The following BBS9 variants were observed in gnomAD, a reference collection of about 807,000 sequenced individuals.
BBS9 encodes protein PTHB1.
A neutral mutation model predicts 117.7 loss-of-function variants in BBS9; 89 were observed. That is an observed-to-expected ratio of 0.76 (90% CI 0.64 to 0.90). BBS9 has a LOEUF of 0.90. BBS9 is among the 40% of genes least tolerant of loss of function. The pLI, the probability that BBS9 is intolerant of heterozygous loss-of-function variation, is 0.00. For synonymous variants in BBS9, 379 were observed against 370.9 expected, an observed-to-expected ratio of 1.02 and a Z score of -0.25; for missense variants, 982 against 1,042.2, an observed-to-expected ratio of 0.94 and a Z score of 0.80.
chr7:33,416,445 GA>G (rs1018025327), intron 19 of BBS9, among the ~76,000 whole-genome samples: 4 of 151,928 alleles, frequency 2.6e-5, no homozygotes, highest in African/African-American at 9.7e-5. Context: ...GTAAAAATTA[GA>G]AAAATGAACG....
intron 19 of BBS9, among the ~76,000 whole-genome samples, chr7:33,410,098 T>C (rs943855945): frequency 1.3e-5 from 2 of 152,178 alleles, no homozygotes; most frequent in African/African-American, 4.8e-5. Context: ...CCTGGACAAC[T>C]GGGGCCATTT....
intron 1 of BBS9, among the ~76,000 whole-genome samples, chr7:33,134,206 C>T (rs1055498477): frequency 1.7e-4 from 25 of 149,010 alleles, no homozygotes; most frequent in Admixed American, 4.7e-4. Context: ...CCTGCCATCA[C>T]GCCTGGCTAT....
intron 5 of BBS9, among the ~76,000 whole-genome samples, chr7:33,212,654 T>C (rs1310697176): frequency 1.3e-5 from 2 of 152,190 alleles, no homozygotes; most frequent in East Asian, 3.9e-4. Context: ...GTATTTATTG[T>C]AGTCTTTGCA....
rs1450762063 is a variant in BBS9, at chr7:33,146,486, G to A, written c.112+122G>A. ...GGAGGCCGACGTGGGCAGATCACGAGGTCAGGAGTACGAGACCAGCCTGGC... is the reference window on the plus strand; with the variant it reads ...GGAGGCCGACGTGGGCAGATCACGAAGTCAGGAGTACGAGACCAGCCTGGC... On this transcript the variant is annotated intron_variant, in intron 2 of 22. Transcript: ENST00000242067. 1.2e-5 allele frequency: 9 copies of A among 757,044 alleles called. No individual in the cohort carries two copies. In the East Asian group the frequency reaches 2.5e-4, roughly 21 times the overall value. The allele number at this position is 757,044 out of a possible 1,614,324, so 46.9% of individuals were successfully genotyped here.
rs544945467 is a variant in BBS9, at chr7:33,218,997, G to A, written c.443-38239G>A. Among the ~76,000 whole-genome samples, 8 of 152,364 alleles carry A rather than the reference G, an allele frequency of 5.3e-5. No individual in the cohort carries two copies. The South Asian group carries it at 8.3e-4, about 16-fold the overall frequency. ...GAGGGAGAGGCGCGAGCGGGAACCC[G>A]GGCTGCGGGCGGCGCTTGCGGGCCA... On this transcript the variant is annotated intron_variant, in intron 5 of 22. Transcript: ENST00000242067.
chr7:33,446,668 T>C (rs749927917), intron 19 of BBS9, among the ~76,000 whole-genome samples: 4 of 152,232 alleles, frequency 2.6e-5, no homozygotes, highest in Non-Finnish European at 1.5e-5. Context: ...TTCATTGTCT[T>C]ATCTGCAGTT....
At chr7:33,247,134 GA>G (rs1220491254) in intron 5 of BBS9, among the ~76,000 whole-genome samples, 1 of 151,978 alleles carries the variant, frequency 6.6e-6, no homozygotes, top group African/African-American at 2.4e-5. Context: ...ATTTTTCTCT[GA>G]AAGAATTTTT....
chr7:33,461,303 C>A (rs1839434385), intron 19 of BBS9, among the ~76,000 whole-genome samples: 1 of 151,894 alleles, frequency 6.6e-6, no homozygotes, highest in Admixed American at 6.6e-5. Flanking sequence ...GAGGAACAGC[C>A]AAGTGGTCTT....
At chr7:33,352,437 A>G (rs1316819575) in intron 14 of BBS9, among the ~76,000 whole-genome samples, 1 of 152,208 alleles carries the variant, frequency 6.6e-6, no homozygotes, top group Non-Finnish European at 1.5e-5. Flanking sequence ...TACTTAAATT[A>G]TTATAAAAAA....
At chr7:33,604,515 C>A (rs1230343689) in intron 21 of BBS9, among the ~76,000 whole-genome samples, 1 of 152,142 alleles carries the variant, frequency 6.6e-6, no homozygotes, top group African/African-American at 2.4e-5. Context: ...TTCTGATGCT[C>A]TGGTATTAAA....
chr7:33,427,092 C>T (rs540766658), intron 19 of BBS9, among the ~76,000 whole-genome samples: 3 of 152,240 alleles, frequency 2.0e-5, no homozygotes, highest in South Asian at 2.1e-4. Flanking sequence ...ACAACCCCTC[C>T]GCATGTGCAG....
intron 21 of BBS9, among the ~76,000 whole-genome samples, chr7:33,602,220 T>C (rs1446307627): frequency 7.4e-6 from 1 of 134,492 alleles, no homozygotes; most frequent in Non-Finnish European, 1.5e-5. Flanking sequence ...AGCCCTTTTT[T>C]TCGAGGCCTA....
At chr7:33,164,301 T>C (rs1365756983) in intron 4 of BBS9, among the ~76,000 whole-genome samples, 1 of 152,232 alleles carries the variant, frequency 6.6e-6, no homozygotes, top group East Asian at 1.9e-4. Context: ...GAAGAATGTA[T>C]ACTCTGTTGA....
At chr7:33,591,401 A>G (rs772738398) in intron 21 of BBS9, among the ~76,000 whole-genome samples, 5 of 152,040 alleles carry the variant, frequency 3.3e-5, no homozygotes, top group Non-Finnish European at 7.4e-5. Context: ...TAAAATTTCT[A>G]TGTCTTTAGA....
At chr7:33,608,435 C>G (rs1864696851), downstream of BBS9, among the ~76,000 whole-genome samples, 1 of 151,984 alleles carries the variant, frequency 6.6e-6, no homozygotes, top group South Asian at 2.1e-4. Flanking sequence ...AATGGTAGTT[C>G]TAAGTTCTTT....
chr7:33,462,652 T>C (rs1839631780), intron 19 of BBS9, among the ~76,000 whole-genome samples: 1 of 152,076 alleles, frequency 6.6e-6, no homozygotes. Flanking sequence ...TGCGGTTAAA[T>C]GAAGTTTAAA....
At chr7:33,390,649 C>T (rs117324174) in intron 19 of BBS9, 16,198 of 951,482 alleles carry the variant, frequency 0.017, 151 homozygotes, top group Non-Finnish European at 0.019. Flanking sequence ...ATTTTAATTC[C>T]GTTTAGTCAG....
At chr7:33,337,117 G>A (rs952849243) in intron 10 of BBS9, among the ~76,000 whole-genome samples, 9 of 152,098 alleles carry the variant, frequency 5.9e-5, no homozygotes, top group Non-Finnish European at 1.2e-4. Flanking sequence ...ATGGTGTGTA[G>A]CTTGCGGTAT....
Position 33,384,765 on chromosome 7 carries a change from G to A in BBS9, c.1962+927G>A, listed in dbSNP as rs541859100. Among the ~76,000 whole-genome samples the A allele has an allele frequency of 9.9e-5, 15 of 151,730 alleles. No individual in the cohort carries two copies. The South Asian group carries it at 2.9e-3, about 30-fold the overall frequency. Reference sequence around the variant, plus strand: ...GAATTACCAGTCATATAATTTTTCAGCCAACCATTGAACATTCTAAGAGCA... The same window carrying A: ...GAATTACCAGTCATATAATTTTTCAACCAACCATTGAACATTCTAAGAGCA... On this transcript the variant is annotated intron_variant, in intron 18 of 22. Coordinates refer to ENST00000242067, the MANE Select transcript of BBS9 (RefSeq NM_198428.3).
Sources: gnomAD v4.1 joint callset for allele counts (sites outside exome capture counted in the v4.1 genomes callset) on GRCh38, gnomAD v4.1.1 for gene constraint, MANE v1.5 for transcripts, NCBI Gene and HGNC (gene_info 2026-07-23, HGNC 2026-07-21) for gene names.